Variants in PSD3 observed in about 807,000 individuals in gnomAD.
PSD3 encodes PH and SEC7 domain-containing protein 3.
PSD3 carries 49 observed loss-of-function variants against 105.5 expected under a neutral mutation model. That is an observed-to-expected ratio of 0.46 (90% CI 0.37 to 0.59). The LOEUF (loss-of-function observed/expected upper bound fraction) is 0.59, where lower values mean the gene tolerates loss of function less well. Ranked by LOEUF, PSD3 falls within the 20% of genes least tolerant of loss-of-function variation. PSD3 has a pLI of 0.00. For missense variants in PSD3, 1,561 were observed against 1,263.8 expected (o/e 1.24, Z -3.57); for synonymous variants, 557 against 457.8 (o/e 1.22, Z -2.77).
chr8:19,031,781 C>A (rs1034047448), intron 1 of PSD3, among the ~76,000 whole-genome samples: 1 of 152,066 alleles, frequency 6.6e-6, no homozygotes, highest in Non-Finnish European at 1.5e-5. Context: ...GAAAAATAAA[C>A]CCACGAGCAA....
intron 8 of PSD3, among the ~76,000 whole-genome samples, chr8:18,777,441 T>C (rs187842165): frequency 1.1e-3 from 166 of 152,340 alleles, no homozygotes; most frequent in African/African-American, 3.7e-3. Context: ...TGACCTTTAT[T>C]GTTTCCTTCC....
chr8:18,948,873 G>C (rs2129469908), intron 1 of PSD3, among the ~76,000 whole-genome samples: 1 of 144,300 alleles, frequency 6.9e-6, no homozygotes, highest in South Asian at 2.2e-4. Context: ...TGAGAAGTAA[G>C]TGTCTTCTCA....
chr8:18,765,915 C>T (rs748123501), intron 8 of PSD3, among the ~76,000 whole-genome samples: 7 of 147,162 alleles, frequency 4.8e-5, no homozygotes, highest in Admixed American at 2.1e-4. Context: ...TTGCAGCGAG[C>T]GGAGATGGTG....
At chr8:19,004,896 G>A (rs1247742689) in intron 1 of PSD3, among the ~76,000 whole-genome samples, 1 of 151,984 alleles carries the variant, frequency 6.6e-6, no homozygotes, top group Non-Finnish European at 1.5e-5. Context: ...TGTAAGACAT[G>A]ACTTGATCCT....
intron 12 of PSD3, among the ~76,000 whole-genome samples, chr8:18,589,383 T>C (rs1269632488): frequency 6.6e-6 from 1 of 152,184 alleles, no homozygotes; most frequent in Non-Finnish European, 1.5e-5. Flanking sequence ...TTTGTGATCT[T>C]TGGGTTTCAG....
At chr8:18,671,690 T>G (rs1170480259) in intron 9 of PSD3, among the ~76,000 whole-genome samples, 1 of 151,838 alleles carries the variant, frequency 6.6e-6, no homozygotes, top group East Asian at 1.9e-4. Flanking sequence ...TGGAGGGCAG[T>G]GCGCGATCTC....
At chr8:18,866,513 G>C (rs761464189) in intron 4 of PSD3, among the ~76,000 whole-genome samples, 1 of 152,200 alleles carries the variant, frequency 6.6e-6, no homozygotes, top group African/African-American at 2.4e-5. Flanking sequence ...TTCAGAGAAC[G>C]TAAGTGGCTT....
In PSD3 at chr8:19,075,061, T is replaced by A. The variant is rs531383881; in HGVS notation, c.324+9145A>T. 2.0e-5 allele frequency among the ~76,000 whole-genome samples: 3 copies of A among 152,144 alleles called. No individual in the cohort carries two copies. The South Asian group carries it at 6.2e-4, about 32-fold the overall frequency. ...CCCAGGTTCAAGCAACTTTCCTGCC[T>A]CGGCCTCCCAAGTAGTTGGGATTAC... On this transcript the variant is annotated intron_variant, in intron 1 of 1. Coordinates refer to the PSD3 transcript ENST00000521475.
chr8:18,755,429 C>CAAAATAACAT (rs1554490326), intron 9 of PSD3, among the ~76,000 whole-genome samples: 3,680 of 136,880 alleles, frequency 0.027, 113 homozygotes, highest in African/African-American at 0.064. Context: ...GACCCTGTCT[C>CAAAATAACAT]AACATAACAT....
At chr8:18,599,928 A>G (rs1179634984) in intron 12 of PSD3, among the ~76,000 whole-genome samples, 1 of 152,356 alleles carries the variant, frequency 6.6e-6, no homozygotes, top group Admixed American at 6.5e-5. Flanking sequence ...GAGATTAACC[A>G]TAATAACTAA....
At chr8:18,760,189 G>A (rs2129442375) in intron 9 of PSD3, among the ~76,000 whole-genome samples, 1 of 152,148 alleles carries the variant, frequency 6.6e-6, no homozygotes, top group Admixed American at 6.5e-5. Context: ...AGTATTTTGA[G>A]TACACATACA....
chr8:18,926,544 C>T (rs1821373667), intron 2 of PSD3, among the ~76,000 whole-genome samples: 1 of 151,914 alleles, frequency 6.6e-6, no homozygotes, highest in African/African-American at 2.4e-5. Context: ...TTAGTCATTA[C>T]AAAAATGCAA....
intron 2 of PSD3, among the ~76,000 whole-genome samples, chr8:18,876,055 C>A (rs1297763211): frequency 6.6e-6 from 1 of 152,060 alleles, no homozygotes; most frequent in East Asian, 1.9e-4. Flanking sequence ...GTACTCATGT[C>A]ATATCATCTA....
chr8:18,933,028 G>C (rs1244681866), intron 2 of PSD3, among the ~76,000 whole-genome samples: 2 of 152,184 alleles, frequency 1.3e-5, no homozygotes, highest in Non-Finnish European at 2.9e-5. Context: ...TTATGAGTAA[G>C]AACCATGTCT....
intron 1 of PSD3, among the ~76,000 whole-genome samples, chr8:19,033,067 C>T (rs1203081425): frequency 2.0e-5 from 3 of 151,866 alleles, no homozygotes; most frequent in Non-Finnish European, 2.9e-5. Context: ...CAAGACTGAA[C>T]ATAGCAAGAC....
At chr8:18,877,790 G>A (rs965157608) in intron 2 of PSD3, among the ~76,000 whole-genome samples, 1 of 151,792 alleles carries the variant, frequency 6.6e-6, no homozygotes, top group Middle Eastern at 3.2e-3. Flanking sequence ...GATCCCTCCC[G>A]CCTCAGCCTT....
chr8:18,924,425 T>C (rs1337023400), intron 2 of PSD3: 1 of 152,038 alleles, frequency 6.6e-6, no homozygotes, highest in Non-Finnish European at 1.5e-5. Context: ...GCAAAATAAA[T>C]AAAAATGGCC....
rs1810688022 is a variant in PSD3 at position 18,801,528 on chromosome 8, T to G, written c.1911-146A>C. 5.3e-6 allele frequency: 3 copies of G among 563,042 alleles called. No individual in the cohort carries two copies. The Admixed American group carries it at 1.1e-4, about 20-fold the overall frequency. 34.9% of individuals were successfully genotyped at this position (563,042 alleles called of 1,614,324 possible). A position where few individuals can be genotyped will look rare whatever the true frequency, so the allele number is the denominator to read the frequency against. ...AGTTATCTCCCCCCAAAAAAATCAT[T>G]TACTAGACAGCCATTCAATATAAAT... On this transcript the variant is annotated intron_variant, in intron 6 of 15. Coordinates refer to ENST00000327040, the MANE Select transcript of PSD3 (RefSeq NM_015310.4).
intron 4 of PSD3, among the ~76,000 whole-genome samples, chr8:18,827,532 T>C (rs1813298411): frequency 6.6e-6 from 1 of 152,158 alleles, no homozygotes; most frequent in Non-Finnish European, 1.5e-5. Flanking sequence ...GGTGGTATTA[T>C]GGAAGGTGAC....
Sources: gnomAD v4.1 joint callset for allele counts (sites outside exome capture counted in the v4.1 genomes callset) on GRCh38, gnomAD v4.1.1 for gene constraint, MANE v1.5 for transcripts, NCBI Gene and HGNC (gene_info 2026-07-23, HGNC 2026-07-21) for gene names.